The following CSMD1 variants were observed in gnomAD, a reference collection of about 807,000 sequenced individuals.
CSMD1 encodes CUB and Sushi multiple domains 1.
A neutral mutation model predicts 417.5 loss-of-function variants in CSMD1; 213 were observed. That is an observed-to-expected ratio of 0.51 (90% CI 0.46 to 0.57). The LOEUF is 0.57. Among genes scored for constraint, CSMD1 ranks in the 20% least tolerant of loss-of-function variants. The pLI, the probability that CSMD1 is intolerant of heterozygous loss-of-function variation, is 0.00. For missense variants in CSMD1, 6,923 were observed against 4,529.7 expected, an observed-to-expected ratio of 1.53 and a Z score of -15.17; for synonymous variants, 2,862 against 1,736.8, an observed-to-expected ratio of 1.65 and a Z score of -16.11.
intron 5 of CSMD1, among the ~76,000 whole-genome samples, chr8:3,952,462 ACTTTAACTCAGTTTTACTTT>A (rs933282562): frequency 1.3e-5 from 2 of 152,214 alleles, no homozygotes; most frequent in African/African-American, 4.8e-5. Flanking sequence ...ATTCACATAC[ACTTTAACTCAGTTTTACTTT>A]CTAGTACTAA....
chr8:3,649,933 T>C (rs1292615333), intron 7 of CSMD1, among the ~76,000 whole-genome samples: 2 of 140,806 alleles, frequency 1.4e-5, no homozygotes, highest in East Asian at 4.1e-4. Context: ...AACTTAAAAT[T>C]ACATATTCTT....
chr8:4,176,372 C>T lies in CSMD1; in HGVS notation c.416-144273G>A, dbSNP rs192867808. ...TAAATTAGTATGACAACAATCTACA[C>T]TCTTAAGCCTCTTATTCTCATTTTT... On this transcript the variant is annotated intron_variant, in intron 3 of 69. Coordinates refer to ENST00000635120, the MANE Select transcript of CSMD1 (RefSeq NM_033225.6). Among the ~76,000 whole-genome samples, 45 of 152,228 alleles carry T rather than the reference C, an allele frequency of 3.0e-4. No homozygotes were observed. In the East Asian group the frequency reaches 8.3e-3, roughly 28 times the overall value.
intron 5 of CSMD1, among the ~76,000 whole-genome samples, chr8:3,861,889 T>C (rs951727763): frequency 6.6e-6 from 1 of 152,156 alleles, no homozygotes; most frequent in African/African-American, 2.4e-5. Flanking sequence ...GTGGAAGTCA[T>C]AGCATCCAAC....
At chr8:4,716,440 T>C (rs1808664683) in intron 1 of CSMD1, among the ~76,000 whole-genome samples, 1 of 152,200 alleles carries the variant, frequency 6.6e-6, no homozygotes, top group South Asian at 2.1e-4. Context: ...TCAAGATTAA[T>C]ATCTGAAAAA....
At chr8:4,918,864 C>G (rs2117129258) in intron 1 of CSMD1, among the ~76,000 whole-genome samples, 1 of 152,262 alleles carries the variant, frequency 6.6e-6, no homozygotes, top group Non-Finnish European at 1.5e-5. Flanking sequence ...TCACCACACA[C>G]ACACACCCCT....
chr8:3,241,243 T>C lies in CSMD1; in HGVS notation c.4154-11012A>G, dbSNP rs533909386. On this transcript the variant is annotated intron_variant, in intron 26 of 69. Transcript: ENST00000635120. ...TAAAAAGGAGTGCTTAAAAGAGTATTGTCTAAGCTGGCACCAGAGTTGGGG... is the reference window on the plus strand; with the variant it reads ...TAAAAAGGAGTGCTTAAAAGAGTATCGTCTAAGCTGGCACCAGAGTTGGGG... Among the ~76,000 whole-genome samples the C allele has an allele frequency of 5.3e-3, 799 of 149,946 alleles. 10 individuals are homozygous for C. Among genetic ancestry groups the C allele is most frequent in the African/African-American group, 0.018 (743 of 40,990 alleles).
chr8:3,287,007 G>A (rs1441051633), intron 25 of CSMD1, among the ~76,000 whole-genome samples: 1 of 152,076 alleles, frequency 6.6e-6, no homozygotes, highest in African/African-American at 2.4e-5. Flanking sequence ...TGTATAAGGT[G>A]TAAGGAAGGG....
chr8:4,086,075 T>C (rs963500938), intron 3 of CSMD1, among the ~76,000 whole-genome samples: 11 of 152,228 alleles, frequency 7.2e-5, no homozygotes, highest in Non-Finnish European at 1.5e-4. Context: ...AAACGTATTT[T>C]TTCCATATTT....
At position 4,341,002 on chromosome 8, in the gene CSMD1, C is replaced by CCTA. The variant is rs1452675901; in HGVS notation, c.415+78948_415+78950dup. Among the ~76,000 whole-genome samples, 9 of 152,080 alleles carry CCTA rather than the reference C, an allele frequency of 5.9e-5. No individual in the cohort carries two copies. In the East Asian group the frequency reaches 1.7e-3, roughly 30 times the overall value. On this transcript the variant is annotated intron_variant, in intron 3 of 69. Coordinates refer to ENST00000635120, the MANE Select transcript of CSMD1 (RefSeq NM_033225.6). ...TGGATTTAAAAATTATCACAGTCATCCTATTTTTTCAGAAAATTACATATT... is the reference window on the plus strand; with the variant it reads ...TGGATTTAAAAATTATCACAGTCATCCTACTATTTTTTCAGAAAATTACATATT...
At chr8:4,019,007 A>C (rs778802987) in intron 4 of CSMD1, among the ~76,000 whole-genome samples, 7 of 152,216 alleles carry the variant, frequency 4.6e-5, no homozygotes, top group Non-Finnish European at 8.8e-5. Flanking sequence ...ACTTTCTTAA[A>C]ATCTACAATT....
chr8:4,703,306 T>C (rs984317591), intron 1 of CSMD1, among the ~76,000 whole-genome samples: 1 of 152,076 alleles, frequency 6.6e-6, no homozygotes, highest in African/African-American at 2.4e-5. Flanking sequence ...CAGAATCTTC[T>C]CAGAAAGTTT....
At chr8:3,349,681 A>G (rs928596243) in intron 21 of CSMD1, among the ~76,000 whole-genome samples, 10 of 149,570 alleles carry the variant, frequency 6.7e-5, no homozygotes, top group Non-Finnish European at 1.3e-4. Context: ...AAATCATTTT[A>G]AAAGAGAAAT....
At chr8:3,302,229 C>T (rs552278299) in intron 25 of CSMD1, among the ~76,000 whole-genome samples, 20 of 152,296 alleles carry the variant, frequency 1.3e-4, no homozygotes, top group East Asian at 5.8e-4. Flanking sequence ...TTTGGATCAG[C>T]TTCCACCATT....
In CSMD1 at chr8:4,682,245, G is replaced by A. The variant is rs375570877; in HGVS notation, c.86-44687C>T. On this transcript the variant is annotated intron_variant, in intron 1 of 69. Transcript: ENST00000635120. The stretch of plus-strand genomic sequence containing the variant: ...GGATTTCACTATGTTGCCCAGGCTG[G>A]TCTCAAACTCCTGGGGCTAAAGCAA... Among the ~76,000 whole-genome samples the A allele has an allele frequency of 2.6e-5, 4 of 152,182 alleles. No homozygotes were observed. The East Asian group carries it at 7.7e-4, about 29-fold the overall frequency.
At chr8:3,304,885 G>T (rs1351763544) in intron 25 of CSMD1, among the ~76,000 whole-genome samples, 1 of 152,052 alleles carries the variant, frequency 6.6e-6, no homozygotes, top group Non-Finnish European at 1.5e-5. Context: ...AAACAAAAAT[G>T]TGAAATTCTT....
rs117776220 is a variant in CSMD1, at chr8:3,650,706, A to G, written c.1010-33909T>C. On this transcript the variant is annotated intron_variant, in intron 7 of 69. Coordinates refer to ENST00000635120, the MANE Select transcript of CSMD1 (RefSeq NM_033225.6). ...TAAATTATCAATGCTGGCTTCTCAAAGAAAGGGCATCAACGACTCAATTCG... is the reference window on the plus strand; with the variant it reads ...TAAATTATCAATGCTGGCTTCTCAAGGAAAGGGCATCAACGACTCAATTCG... Among the ~76,000 whole-genome samples, 253 of 152,344 alleles carry G rather than the reference A, an allele frequency of 1.7e-3. 2 individuals carry two copies. Among genetic ancestry groups the G allele is most frequent in the Non-Finnish European group, 3.0e-3 (203 of 68,032 alleles).
intron 9 of CSMD1, among the ~76,000 whole-genome samples, chr8:3,580,366 C>G (rs185134261): frequency 4.6e-5 from 7 of 151,990 alleles, no homozygotes; most frequent in Admixed American, 6.6e-5. Context: ...ATTTGACGAA[C>G]GGCATAAATG....
intron 52 of CSMD1, among the ~76,000 whole-genome samples, chr8:3,011,497 A>C (rs1039785147): frequency 6.6e-6 from 1 of 152,228 alleles, no homozygotes; most frequent in Non-Finnish European, 1.5e-5. Context: ...ACAGTCTAAA[A>C]ACAGTATTTT....
chr8:3,513,593 A>G (rs1215346871), intron 10 of CSMD1, among the ~76,000 whole-genome samples: 1 of 152,208 alleles, frequency 6.6e-6, no homozygotes, highest in East Asian at 1.9e-4. Context: ...CACTAATCCT[A>G]CGCAATGCCC....
Sources: allele counts gnomAD v4.1 joint callset (sites outside exome capture counted in the v4.1 genomes callset), GRCh38; gene constraint gnomAD v4.1.1; transcripts MANE v1.5; gene names NCBI Gene and HGNC (gene_info 2026-07-23, HGNC 2026-07-21).